BCL7B: variants seen among roughly 807,000 people sequenced by gnomAD.
BCL7B encodes B-cell CLL/lymphoma 7 protein family member B.
BCL7B carries 11 observed loss-of-function variants against 26.5 expected under a neutral mutation model. The observed-to-expected ratio is 0.42, with a 90% CI of 0.26 to 0.69. The LOEUF is 0.69. Among genes scored for constraint, BCL7B ranks in the 30% least tolerant of loss-of-function variants. The pLI is 0.28. For synonymous variants in BCL7B, 111 were observed against 107.9 expected, an observed-to-expected ratio of 1.03 and a Z score of -0.18; for missense variants, 215 against 264.4, an observed-to-expected ratio of 0.81 and a Z score of 1.30.
intron 1 of BCL7B, among the ~76,000 whole-genome samples, chr7:73,554,862 G>A (rs575982771): frequency 1.3e-5 from 2 of 150,590 alleles, no homozygotes; most frequent in Non-Finnish European, 2.9e-5. Flanking sequence ...AACAGAAGGA[G>A]CGAATTAAAG....
chr7:73,556,955 G>A (rs1792383922), intron 1 of BCL7B: 2 of 989,562 alleles, frequency 2.0e-6, no homozygotes, highest in African/African-American at 1.7e-5. Flanking sequence ...CGGCGCAGGG[G>A]CCGGTTACTG....
chr7:73,538,555 T>C (rs1214945291), intron 4 of BCL7B, among the ~76,000 whole-genome samples: 2 of 152,036 alleles, frequency 1.3e-5, no homozygotes, highest in African/African-American at 4.8e-5. Flanking sequence ...GGCTCACACC[T>C]ATAATCCCAG....
intron 1 of BCL7B, among the ~76,000 whole-genome samples, chr7:73,554,759 C>T (rs1792299718): frequency 6.8e-6 from 1 of 147,798 alleles, no homozygotes; most frequent in Admixed American, 6.8e-5. Context: ...GACCACGCCA[C>T]TGCACTCCAG....
chr7:73,543,757 A>C, intron 2 of BCL7B, 113 bp from the exon 3 acceptor site: 14 of 760,116 alleles, frequency 1.8e-5, no homozygotes, highest in Non-Finnish European at 2.6e-5. Flanking sequence ...GAACAGGAAA[A>C]ACGACAGCAG....
rs972031706 is a variant in BCL7B at position 73,543,619 on chromosome 7, G to A, written c.194C>T (p.Ser65Leu). ...KEKEKSKSNS[S>L]AAREPNGFPS... ...AAAGCCATTAGGTTCTCGGGCTGCTGAACTGTTCGATTTTGACTTTTCTTT... is the reference window on the plus strand; with the variant it reads ...AAAGCCATTAGGTTCTCGGGCTGCTAAACTGTTCGATTTTGACTTTTCTTT... The change falls in exon 3 of 6, where the codon TCA becomes TTA. Residue 65 changes from serine to leucine, a missense_variant. Coordinates refer to ENST00000223368, the MANE Select transcript of BCL7B (RefSeq NM_001707.4). 6.2e-7 allele frequency: 1 copy of A among 1,613,652 alleles called. No individual in the cohort carries two copies. The highest frequency in any genetic ancestry group is 8.5e-7 in the Non-Finnish European group (1 of 1,179,800).
intron 1 of BCL7B, among the ~76,000 whole-genome samples, chr7:73,555,323 A>G (rs1387726295): frequency 6.7e-6 from 1 of 149,834 alleles, no homozygotes; most frequent in Admixed American, 6.8e-5. Flanking sequence ...AATTGCTTGA[A>G]CCCGGGAAGC....
intron 2 of BCL7B, among the ~76,000 whole-genome samples, chr7:73,546,479 C>T: frequency 6.6e-6 from 1 of 151,640 alleles, no homozygotes; most frequent in East Asian, 1.9e-4. Flanking sequence ...CCAGCCTAGC[C>T]AATATGGTGA....
intron 2 of BCL7B, 128 bp downstream of exon 2, chr7:73,552,039 G>A (rs1792192654): frequency 2.9e-6 from 2 of 698,228 alleles, no homozygotes; most frequent in East Asian, 5.7e-5. Context: ...GTTGCAGTGA[G>A]CCAAGATCAT....
At chr7:73,539,095 G>A (rs1279309764) in intron 4 of BCL7B, among the ~76,000 whole-genome samples, 1 of 152,174 alleles carries the variant, frequency 6.6e-6, no homozygotes, top group Non-Finnish European at 1.5e-5. Context: ...GAGTAGCTGG[G>A]ATTACAGGCT....
chr7:73,540,148 A>G, intron 3 of BCL7B, 96 bp from the exon 4 acceptor site: 11 of 1,320,336 alleles, frequency 8.3e-6, no homozygotes, highest in Non-Finnish European at 1.1e-5. Flanking sequence ...CACTTTAGGC[A>G]GCCAAGGATA....
Position 73,537,226 on chromosome 7 carries a change from G to A in BCL7B, c.*72C>T. On this transcript the variant is annotated 3_prime_UTR_variant, in exon 6 of 6. Transcript: ENST00000223368. ...GACCCCAGTGCTTGCCCTTACCCCA[G>A]CAACGCGGCGCGGCCAGAACCAGAA... 2 of 1,494,124 alleles carry A rather than the reference G, an allele frequency of 1.3e-6. No individual in the cohort carries two copies. Among genetic ancestry groups the A allele is most frequent in the Non-Finnish European group, 1.9e-6 (2 of 1,077,662 alleles). The allele number at this position is 1,494,124 out of a possible 1,614,324, so 92.6% of individuals were successfully genotyped here.
At position 73,557,689 on chromosome 7, in the gene BCL7B, GC is replaced by G. The variant is rs1757553283; in HGVS notation, c.-112del. The G allele has an allele frequency of 1.8e-6, 1 of 548,326 alleles. No homozygotes were observed. Among genetic ancestry groups the G allele is most frequent in the Non-Finnish European group, 2.4e-6 (1 of 418,798 alleles). The allele number at this position is 548,326 out of a possible 1,614,324, so 34.0% of individuals were successfully genotyped here. A position where few individuals can be genotyped will look rare whatever the true frequency, so the allele number is the denominator to read the frequency against. The stretch of plus-strand genomic sequence containing the variant: ...CCGCCGCAGCGTCACAGCGGCCGTC[GC>G]CCCCTCCGTGCGCGCGTGCGCGAGA... On this transcript the variant is annotated 5_prime_UTR_variant, in exon 1 of 6. Coordinates refer to ENST00000223368, the MANE Select transcript of BCL7B (RefSeq NM_001707.4).
chr7:73,543,468 G>A, intron 3 of BCL7B, 80 bp downstream of exon 3: 1 of 1,343,220 alleles, frequency 7.4e-7, no homozygotes, highest in South Asian at 1.2e-5. Context: ...GTGAGTCACT[G>A]CACCTGGCCA....
intron 1 of BCL7B, chr7:73,557,248 C>G (rs935737489): frequency 9.1e-7 from 1 of 1,104,658 alleles, no homozygotes; most frequent in Non-Finnish European, 1.1e-6. Flanking sequence ...CCCTCCCAGG[C>G]GGCGCGCGGC....
chr7:73,554,860 G>A (rs1554584554), intron 1 of BCL7B, among the ~76,000 whole-genome samples: 1 of 151,084 alleles, frequency 6.6e-6, no homozygotes, highest in Non-Finnish European at 1.5e-5. Context: ...GTAACAGAAG[G>A]AGCGAATTAA....
At chr7:73,547,909 G>A (rs143558174) in intron 2 of BCL7B, among the ~76,000 whole-genome samples, 11 of 152,236 alleles carry the variant, frequency 7.2e-5, no homozygotes, top group African/African-American at 2.6e-4. Context: ...CTTGAGGTCA[G>A]GAGTTCAACA....
chr7:73,546,962 C>T (rs191559438), intron 2 of BCL7B, among the ~76,000 whole-genome samples: 112 of 148,058 alleles, frequency 7.6e-4, no homozygotes, highest in African/African-American at 2.6e-3. Context: ...GTCAGGAGTT[C>T]AAGACCAGCC....
intron 1 of BCL7B, among the ~76,000 whole-genome samples, chr7:73,552,651 T>A (rs1282328363): frequency 2.0e-5 from 3 of 150,792 alleles, no homozygotes; most frequent in Admixed American, 1.3e-4. Context: ...CGTGGTGGCG[T>A]GTGCCTGTAA....
At chr7:73,544,168 C>G (rs1554583254) in intron 2 of BCL7B, among the ~76,000 whole-genome samples, 1 of 152,138 alleles carries the variant, frequency 6.6e-6, no homozygotes, top group Non-Finnish European at 1.5e-5. Context: ...CGCCTGTAAT[C>G]CCAGCACTTT....
Sources: allele counts gnomAD v4.1 joint callset (sites outside exome capture counted in the v4.1 genomes callset), GRCh38; gene constraint gnomAD v4.1.1; transcripts MANE v1.5; gene names NCBI Gene and HGNC (gene_info 2026-07-23, HGNC 2026-07-21).